Variants in MSI2 observed in about 807,000 individuals in gnomAD.
MSI2 encodes musashi RNA binding protein 2, also known as RNA-binding protein Musashi homolog 2.
MSI2 carries 17 observed loss-of-function variants against 45.6 expected under a neutral mutation model. The observed-to-expected ratio is 0.37, with a 90% CI of 0.26 to 0.56. The LOEUF (loss-of-function observed/expected upper bound fraction) is 0.56. MSI2 is among the 20% of genes least tolerant of loss of function. The probability of loss-of-function intolerance (pLI) is 0.77; values close to 1 mark genes in which losing one functional copy is unlikely to be tolerated. For synonymous variants in MSI2, 156 were observed against 158.2 expected (o/e 0.99, Z 0.11); for missense variants, 293 against 444.2 (o/e 0.66, Z 3.06).
intron 11 of MSI2, among the ~76,000 whole-genome samples, chr17:57,669,231 T>C (rs566798421): frequency 9.9e-5 from 15 of 152,214 alleles, no homozygotes; most frequent in African/African-American, 3.4e-4. Context: ...CAGAATGGGG[T>C]CCCCAATTCT....
chr17:57,553,498 C>T (rs2087354731), intron 7 of MSI2, among the ~76,000 whole-genome samples: 1 of 152,222 alleles, frequency 6.6e-6, no homozygotes, highest in Non-Finnish European at 1.5e-5. Context: ...TCCCTGCTTT[C>T]CCACTTCTGC....
chr17:57,400,086 G>T (rs1164942083), intron 5 of MSI2, among the ~76,000 whole-genome samples: 1 of 152,210 alleles, frequency 6.6e-6, no homozygotes, highest in Non-Finnish European at 1.5e-5. Flanking sequence ...CAACAAACTG[G>T]TCAGACCCTC....
intron 13 of MSI2, 59 bp downstream of exon 13, chr17:57,677,118 A>T: frequency 4.1e-5 from 46 of 1,114,684 alleles, no homozygotes; most frequent in Non-Finnish European, 6.1e-5. Context: ...ATGTATGTCC[A>T]CAGGTCATAC....
chr17:57,353,510 C>G (rs1473312276), intron 5 of MSI2, among the ~76,000 whole-genome samples: 2 of 152,168 alleles, frequency 1.3e-5, no homozygotes, highest in African/African-American at 4.8e-5. Flanking sequence ...AGACATTTAC[C>G]TAAGATATTC....
At chr17:57,613,004 AC>A (rs1378933068) in intron 8 of MSI2, among the ~76,000 whole-genome samples, 1 of 151,992 alleles carries the variant, frequency 6.6e-6, no homozygotes, top group Non-Finnish European at 1.5e-5. Flanking sequence ...GCCAGTTTTC[AC>A]CCCTGGGCTT....
At chr17:57,585,418 G>T (rs1461760134) in intron 7 of MSI2, among the ~76,000 whole-genome samples, 1 of 152,216 alleles carries the variant, frequency 6.6e-6, no homozygotes, top group Non-Finnish European at 1.5e-5. Context: ...GACTGGTGAG[G>T]TGGATCATTT....
intron 6 of MSI2, among the ~76,000 whole-genome samples, chr17:57,478,684 G>T (rs548781217): frequency 3.5e-4 from 54 of 152,260 alleles, no homozygotes; most frequent in African/African-American, 1.2e-3. Context: ...ATCACACAGT[G>T]GTTCTCAGAG....
intron 6 of MSI2, among the ~76,000 whole-genome samples, chr17:57,461,781 C>T (rs1457852221): frequency 6.6e-6 from 1 of 152,164 alleles, no homozygotes; most frequent in African/African-American, 2.4e-5. Flanking sequence ...AGATCTGCTA[C>T]CTCGGCCTCC....
chr17:57,451,412 G>T (rs1008997686), intron 6 of MSI2, among the ~76,000 whole-genome samples: 2 of 152,150 alleles, frequency 1.3e-5, no homozygotes, highest in African/African-American at 4.8e-5. Context: ...TTGGAGGAAG[G>T]CACCTTCAAA....
At chr17:57,584,745 C>G (rs1387053099) in intron 7 of MSI2, among the ~76,000 whole-genome samples, 2 of 151,458 alleles carry the variant, frequency 1.3e-5, no homozygotes, top group Admixed American at 1.3e-4. Context: ...CATGCCCGCA[C>G]CCTGCACAGC....
chr17:57,698,902 T>A, the MSI2 span, among the ~76,000 whole-genome samples: 2 of 125,900 alleles, frequency 1.6e-5, no homozygotes, highest in Admixed American at 7.4e-5. Context: ...AGTGTGTGTG[T>A]GTGTGTGTGT....
At chr17:57,503,879 G>C (rs1353151861) in intron 6 of MSI2, among the ~76,000 whole-genome samples, 1 of 152,162 alleles carries the variant, frequency 6.6e-6, no homozygotes, top group Non-Finnish European at 1.5e-5. Context: ...CGAGTAGCTG[G>C]GACTACAGGC....
intron 6 of MSI2, chr17:57,448,578 T>G (rs760286905): frequency 6.6e-6 from 1 of 152,262 alleles, no homozygotes; most frequent in Non-Finnish European, 1.5e-5. Context: ...GCTGGTTGCC[T>G]GTTGGGTGAA....
At chr17:57,389,593 C>T (rs1456967396) in intron 5 of MSI2, among the ~76,000 whole-genome samples, 1 of 152,208 alleles carries the variant, frequency 6.6e-6, no homozygotes, top group African/African-American at 2.4e-5. Context: ...GATGAGGTCT[C>T]ATGCAGTGCT....
At chr17:57,571,061 C>T (rs1166613393) in intron 7 of MSI2, among the ~76,000 whole-genome samples, 1 of 152,132 alleles carries the variant, frequency 6.6e-6, no homozygotes, top group Non-Finnish European at 1.5e-5. Flanking sequence ...CATAATTGGC[C>T]GCCTTGTTGA....
intron 7 of MSI2, among the ~76,000 whole-genome samples, chr17:57,531,357 G>A (rs141488508): frequency 3.3e-5 from 5 of 152,304 alleles, no homozygotes; most frequent in African/African-American, 4.8e-5. Flanking sequence ...TCAATTGTGC[G>A]TAAATGTTAG....
At chr17:57,679,320 C>T (rs1206140403) in intron 13 of MSI2, among the ~76,000 whole-genome samples, 1 of 152,260 alleles carries the variant, frequency 6.6e-6, no homozygotes, top group African/African-American at 2.4e-5. Flanking sequence ...GCCTTGTCCT[C>T]TCCCCAGTGT....
chr17:57,295,910 A>C (rs1910883747), intron 5 of MSI2, among the ~76,000 whole-genome samples: 1 of 149,186 alleles, frequency 6.7e-6, no homozygotes, highest in Non-Finnish European at 1.5e-5. Flanking sequence ...TTTTCTTTGA[A>C]CTGGTCTTTC....
intron 6 of MSI2, among the ~76,000 whole-genome samples, chr17:57,523,066 GA>G (rs1349668149): frequency 2.1e-5 from 2 of 95,850 alleles, no homozygotes; most frequent in Admixed American, 2.3e-4. Context: ...TTTTTTTTTT[GA>G]GGTGGAGTCT....
Sources: allele counts gnomAD v4.1 joint callset (sites outside exome capture counted in the v4.1 genomes callset), GRCh38; gene constraint gnomAD v4.1.1; transcripts MANE v1.5; gene names NCBI Gene and HGNC (gene_info 2026-07-23, HGNC 2026-07-21).